The following GRID2 variants were observed in gnomAD, a reference collection of about 807,000 sequenced individuals.
GRID2 encodes the protein glutamate ionotropic receptor delta type subunit 2.
Under a neutral mutation model 114.8 loss-of-function variants are expected in GRID2, and 33 were observed. The observed-to-expected ratio is 0.29, with a 90% confidence interval of 0.22 to 0.38. The LOEUF is 0.38. Ranked by LOEUF, GRID2 falls within the 10% of genes least tolerant of loss-of-function variation. The probability of loss-of-function intolerance (pLI) is 1.00; values close to 1 mark genes in which losing one functional copy is unlikely to be tolerated. For missense variants in GRID2, 1,184 were observed against 1,257.7 expected (o/e 0.94, Z 0.89); for synonymous variants, 505 against 449.9 (o/e 1.12, Z -1.55).
At chr4:93,323,531 C>T (rs1489705479) in intron 8 of GRID2, among the ~76,000 whole-genome samples, 1 of 152,112 alleles carries the variant, frequency 6.6e-6, no homozygotes. Context: ...GCTATGCAGG[C>T]CCTTTTTTGA....
intron 2 of GRID2, among the ~76,000 whole-genome samples, chr4:93,005,223 A>G (rs1430761473): frequency 2.6e-5 from 4 of 152,086 alleles, no homozygotes; most frequent in Admixed American, 6.6e-5. Flanking sequence ...TTTTATCTCA[A>G]TAGATAACAT....
intron 1 of GRID2, among the ~76,000 whole-genome samples, chr4:92,578,538 CA>C (rs1275633822): frequency 6.6e-6 from 1 of 151,726 alleles, no homozygotes; most frequent in African/African-American, 2.4e-5. Context: ...TTTAATAAAG[CA>C]AAAGATATAT....
intron 1 of GRID2, among the ~76,000 whole-genome samples, chr4:92,313,839 A>G (rs1399494330): frequency 1.3e-5 from 2 of 152,140 alleles, no homozygotes. Flanking sequence ...TACTGATTGT[A>G]GAGAACCCGA....
intron 3 of GRID2, among the ~76,000 whole-genome samples, chr4:93,093,452 G>A (rs1392988829): frequency 6.6e-6 from 1 of 152,028 alleles, no homozygotes; most frequent in Non-Finnish European, 1.5e-5. Context: ...TTTCTGGGGA[G>A]AGAAGAAGCA....
chr4:92,697,356 G>A (rs1450905400), intron 2 of GRID2, among the ~76,000 whole-genome samples: 1 of 152,042 alleles, frequency 6.6e-6, no homozygotes, highest in Non-Finnish European at 1.5e-5. Flanking sequence ...AAGTACAAGG[G>A]GTTAACACTA....
At chr4:92,574,601 T>C (rs2149196302) in intron 1 of GRID2, among the ~76,000 whole-genome samples, 1 of 152,216 alleles carries the variant, frequency 6.6e-6, no homozygotes, top group East Asian at 1.9e-4. Flanking sequence ...TTTGTCCAGA[T>C]ATGAAATTCT....
chr4:93,613,081 C>A (rs1353533585), intron 13 of GRID2, among the ~76,000 whole-genome samples: 12 of 135,948 alleles, frequency 8.8e-5, no homozygotes, highest in Admixed American at 2.2e-4. Flanking sequence ...ATTGCTGATA[C>A]CCTTTCTTCC....
intron 2 of GRID2, among the ~76,000 whole-genome samples, chr4:92,675,321 G>A (rs1020779832): frequency 6.6e-6 from 1 of 152,092 alleles, no homozygotes; most frequent in Non-Finnish European, 1.5e-5. Context: ...TGTCTGTCAT[G>A]CCTATGGTTT....
intron 2 of GRID2, among the ~76,000 whole-genome samples, chr4:93,012,516 G>A (rs755474725): frequency 2.0e-5 from 3 of 152,044 alleles, no homozygotes; most frequent in Non-Finnish European, 2.9e-5. Flanking sequence ...TTTGATAGGT[G>A]GTGGTAGCTT....
intron 8 of GRID2, among the ~76,000 whole-genome samples, chr4:93,376,655 TC>T (rs1211938754): frequency 6.6e-6 from 1 of 152,132 alleles, no homozygotes; most frequent in Non-Finnish European, 1.5e-5. Flanking sequence ...AGGAATGAGA[TC>T]ATGTCCTTTT....
intron 2 of GRID2, among the ~76,000 whole-genome samples, chr4:92,740,567 A>G (rs1305106457): frequency 6.6e-6 from 1 of 152,208 alleles, no homozygotes; most frequent in African/African-American, 2.4e-5. Context: ...CTTTTACTCC[A>G]GAGTTTCCAA....
At chr4:92,922,424 T>C (rs1287964741) in intron 2 of GRID2, among the ~76,000 whole-genome samples, 3 of 152,002 alleles carry the variant, frequency 2.0e-5, no homozygotes, top group Non-Finnish European at 4.4e-5. Context: ...AAATCACCCA[T>C]CCTCTGTGTC....
intron 9 of GRID2, among the ~76,000 whole-genome samples, chr4:93,409,977 A>G (rs1203096872): frequency 2.0e-5 from 3 of 152,202 alleles, no homozygotes; most frequent in Non-Finnish European, 4.4e-5. Context: ...ATTCAAAGAT[A>G]TAAAAAACAG....
chr4:93,740,108 C>A (rs1731243692), intron 14 of GRID2, among the ~76,000 whole-genome samples: 1 of 152,070 alleles, frequency 6.6e-6, no homozygotes, highest in Admixed American at 6.6e-5. Context: ...TTTACTGAAC[C>A]TTTTCTATGT....
intron 4 of GRID2, among the ~76,000 whole-genome samples, chr4:93,157,348 A>T (rs1178670263): frequency 6.6e-6 from 1 of 151,660 alleles, no homozygotes; most frequent in Non-Finnish European, 1.5e-5. Context: ...CTCTACTTTG[A>T]TTTTTTAGAA....
intron 2 of GRID2, among the ~76,000 whole-genome samples, chr4:92,931,636 A>G (rs1750245816): frequency 6.6e-6 from 1 of 150,960 alleles, no homozygotes; most frequent in Admixed American, 6.6e-5. Context: ...ACACACACAC[A>G]CACACACAGC....
intron 1 of GRID2, among the ~76,000 whole-genome samples, chr4:92,550,268 T>C (rs1726514409): frequency 6.6e-6 from 1 of 152,146 alleles, no homozygotes; most frequent in Admixed American, 6.5e-5. Flanking sequence ...TTTTTGTTTG[T>C]AGAGTATTTA....
chr4:92,841,014 G>C (rs564215468), intron 2 of GRID2, among the ~76,000 whole-genome samples: 2 of 152,054 alleles, frequency 1.3e-5, no homozygotes, highest in East Asian at 3.9e-4. Context: ...AACTTATCTT[G>C]ATTCCAAGAT....
chr4:93,583,900 G>A (rs536580979), intron 13 of GRID2, among the ~76,000 whole-genome samples: 2 of 152,232 alleles, frequency 1.3e-5, no homozygotes, highest in South Asian at 4.1e-4. Context: ...AAAGTTTGAA[G>A]AGTAGTGAAA....
Sources: gnomAD v4.1 joint callset for allele counts (sites outside exome capture counted in the v4.1 genomes callset) on GRCh38, gnomAD v4.1.1 for gene constraint, MANE v1.5 for transcripts, NCBI Gene and HGNC (gene_info 2026-07-23, HGNC 2026-07-21) for gene names.